Variants in WWP1 observed in about 807,000 individuals in gnomAD.
WWP1 encodes WW domain containing E3 ubiquitin protein ligase 1, also known as NEDD4-like E3 ubiquitin-protein ligase WWP1.
Under a neutral mutation model 130.6 loss-of-function variants are expected in WWP1, and 49 were observed. The ratio of observed to expected loss-of-function variants is 0.38; its 90% CI spans 0.30 to 0.48. The LOEUF (loss-of-function observed/expected upper bound fraction) is 0.48, where lower values mean the gene tolerates loss of function less well. WWP1 is among the 20% of genes least tolerant of loss of function. The pLI is 0.99. For synonymous variants in WWP1, 332 were observed against 367.8 expected (o/e 0.90, Z 1.11); for missense variants, 809 against 1,100.6 (o/e 0.74, Z 3.75).
chr8:86,444,001 C>G (rs938481899), intron 18 of WWP1, among the ~76,000 whole-genome samples: 4 of 152,142 alleles, frequency 2.6e-5, no homozygotes, highest in Non-Finnish European at 5.9e-5. Flanking sequence ...CATGATCTGA[C>G]TTAAATTTTA....
At chr8:86,352,148 G>A (rs998835958) in intron 1 of WWP1, among the ~76,000 whole-genome samples, 2 of 148,272 alleles carry the variant, frequency 1.3e-5, no homozygotes, top group Admixed American at 6.8e-5. Flanking sequence ...GGGCTCAAAC[G>A]ATCCTCCCAC....
At chr8:86,366,070 G>C (rs1380217365) in intron 1 of WWP1, among the ~76,000 whole-genome samples, 1 of 152,214 alleles carries the variant, frequency 6.6e-6, no homozygotes, top group African/African-American at 2.4e-5. Flanking sequence ...AAGTATTAAT[G>C]ACATTGCCAG....
chr8:86,422,908 A>G (rs1586417800), intron 9 of WWP1, among the ~76,000 whole-genome samples: 2 of 152,308 alleles, frequency 1.3e-5, no homozygotes, highest in East Asian at 3.9e-4. Context: ...ACACAGATGA[A>G]AGAATTTTCA....
intron 9 of WWP1, among the ~76,000 whole-genome samples, chr8:86,416,906 A>G (rs961246906): frequency 1.3e-5 from 2 of 151,620 alleles, no homozygotes; most frequent in Non-Finnish European, 2.9e-5. Context: ...AGCCCCCTTT[A>G]CCCCTGTACC....
chr8:86,361,114 T>A (rs1172428999), intron 1 of WWP1, among the ~76,000 whole-genome samples: 1 of 152,188 alleles, frequency 6.6e-6, no homozygotes, highest in East Asian at 1.9e-4. Context: ...TATCCTGCTT[T>A]AGAAGGATCA....
intron 24 of WWP1, among the ~76,000 whole-genome samples, chr8:86,463,858 C>T (rs910622962): frequency 2.0e-5 from 3 of 151,694 alleles, no homozygotes; most frequent in Non-Finnish European, 4.4e-5. Flanking sequence ...CTCAGGAGTT[C>T]GAGACCAGCC....
Position 86,398,325 on chromosome 8 carries a change from A to T in WWP1, c.335-17A>T, listed in dbSNP as rs748819110. ...TATGTGGCAAAAGCTTTTAAATTAG[A>T]ATATTCTTCTTTCTAGTGGAAAGAG... On this transcript the variant is annotated splice_polypyrimidine_tract_variant and intron_variant, in intron 5 of 24. Coordinates refer to ENST00000517970, the MANE Select transcript of WWP1 (RefSeq NM_007013.4). 6.4e-7 allele frequency: 1 copy of T among 1,564,626 alleles called. No individual in the cohort carries two copies. Among genetic ancestry groups the T allele is most frequent in the Admixed American group, 1.9e-5 (1 of 51,784 alleles).
At chr8:86,438,288 G>A (rs984192404) in intron 16 of WWP1, among the ~76,000 whole-genome samples, 1 of 152,200 alleles carries the variant, frequency 6.6e-6, no homozygotes, top group Non-Finnish European at 1.5e-5. Context: ...TGTCTCAGGG[G>A]TGGCAGAGGC....
At chr8:86,361,962 TA>T (rs1823627015) in intron 1 of WWP1, among the ~76,000 whole-genome samples, 1 of 127,464 alleles carries the variant, frequency 7.8e-6, no homozygotes, top group Non-Finnish European at 1.8e-5. Context: ...AAAATATGCC[TA>T]GTGTGTGTGT....
At position 86,342,813 on chromosome 8, in the gene WWP1, C is replaced by T; in HGVS notation, c.-232C>T. On this transcript the variant is annotated 5_prime_UTR_variant, in exon 1 of 25. Transcript: ENST00000517970. Reference sequence around the variant, plus strand: ...GGGGCCGACGCCTGGGTGGCTGCTGCCGCCGCGCCTGCTGCGAGATGGCGA... The same window carrying T: ...GGGGCCGACGCCTGGGTGGCTGCTGTCGCCGCGCCTGCTGCGAGATGGCGA... 1 of 368,774 alleles carries T rather than the reference C, an allele frequency of 2.7e-6. No homozygotes were observed. Among genetic ancestry groups the T allele is most frequent in the Non-Finnish European group, 4.8e-6 (1 of 206,702 alleles). The allele number at this position is 368,774 out of a possible 1,614,324, so 22.8% of individuals were successfully genotyped here. A position where few individuals can be genotyped will look rare whatever the true frequency, so the allele number is the denominator to read the frequency against.
Position 86,389,955 on chromosome 8 carries a change from G to A in WWP1, c.334+8326G>A, listed in dbSNP as rs190954609. On this transcript the variant is annotated intron_variant, in intron 5 of 24. Coordinates refer to ENST00000517970, the MANE Select transcript of WWP1 (RefSeq NM_007013.4). Reference sequence around the variant, plus strand: ...TTCCCGGACGGGGCGGCTGCCAGGCGGAGGGGCTCCTCACTTCTCAGACGG... The same window carrying A: ...TTCCCGGACGGGGCGGCTGCCAGGCAGAGGGGCTCCTCACTTCTCAGACGG... Among the ~76,000 whole-genome samples, 1,050 of 149,040 alleles carry A rather than the reference G, an allele frequency of 7.0e-3. 14 individuals carry two copies. The highest frequency in any genetic ancestry group is 0.067 in the East Asian group (325 of 4,866).
chr8:86,452,670 A>G lies in WWP1; in HGVS notation c.2385A>G (p.Lys795=), dbSNP rs1320844474. ...PLQWLQYFDE[K]ELEVMLCGMQ... is the part of the protein sequence containing the mutation. ...AGTGGCTACAGTACTTCGATGAAAA[A>G]GAATTAGAGGTTAGGCCCTTTTATT... Residue 795 remains lysine, a synonymous_variant, in exon 21 of 25, where the codon AAA becomes AAG. Transcript: ENST00000517970. The G allele has an allele frequency of 1.9e-6, 3 of 1,612,480 alleles. No homozygotes were observed. The highest frequency in any genetic ancestry group is 2.2e-5 in the South Asian group (2 of 90,882).
At chr8:86,451,014 C>T (rs1329473925) in intron 20 of WWP1, among the ~76,000 whole-genome samples, 1 of 151,170 alleles carries the variant, frequency 6.6e-6, no homozygotes, top group Non-Finnish European at 1.5e-5. Context: ...GAGTTCAAGA[C>T]CAGCCTGAGA....
intron 18 of WWP1, among the ~76,000 whole-genome samples, chr8:86,445,414 G>A (rs554874481): frequency 1.3e-5 from 2 of 152,172 alleles, no homozygotes; most frequent in South Asian, 2.1e-4. Context: ...GCCCAATGCT[G>A]AGCTCCCACC....
intron 9 of WWP1, among the ~76,000 whole-genome samples, chr8:86,423,966 TAAGTTAGCGCTTATGGGGCTGCCCCCCA>T (rs1809415992): frequency 1.5e-3 from 5 of 3,316 alleles, no homozygotes; most frequent in Non-Finnish European, 3.5e-3. Flanking sequence ...AGCGCTAACT[TAAGTTAGCGCTTATGGGGCTGCCCCCCA>T]CCTCCCTCCC....
intron 18 of WWP1, among the ~76,000 whole-genome samples, chr8:86,447,184 C>G (rs1271710546): frequency 2.0e-5 from 3 of 152,174 alleles, no homozygotes; most frequent in African/African-American, 7.2e-5. Flanking sequence ...TAGGTACAGG[C>G]ATTGAGTAAC....
intron 2 of WWP1, among the ~76,000 whole-genome samples, chr8:86,371,635 G>A (rs1158983940): frequency 2.6e-5 from 4 of 152,110 alleles, no homozygotes; most frequent in Non-Finnish European, 5.9e-5. Flanking sequence ...CTCCTTTTCT[G>A]TATAATTACA....
At position 86,466,862 on chromosome 8, in the gene WWP1, T is replaced by C; in HGVS notation, c.2738T>C (p.Ile913Thr). 1.2e-6 allele frequency: 2 copies of C among 1,605,892 alleles called. No homozygotes were observed. The highest frequency in any genetic ancestry group is 1.7e-6 in the Non-Finnish European group (2 of 1,177,820). ...CTAAAGGAAAAACTTCTTTTTGCAA[T>C]AGAAGAGACAGAGGGATTTGGACAA... is the stretch of plus-strand genomic sequence containing the variant. ...EQLKEKLLFAIEETEGFGQE is the reference protein window; with the variant it reads ...EQLKEKLLFATEETEGFGQE The change falls in exon 25 of 25, where the codon ATA (isoleucine) becomes ACA (threonine). Residue 913 changes from isoleucine to threonine, a missense_variant. This residue lies in a region of WWP1 where 450 missense variants were observed against 674.2 expected (regional missense o/e 0.67). Transcript: ENST00000517970.
At chr8:86,381,445 C>G in intron 4 of WWP1, 60 bp from the exon 5 acceptor site, 2 of 1,537,238 alleles carry the variant, frequency 1.3e-6, no homozygotes, top group Non-Finnish European at 1.7e-6. Flanking sequence ...GGAATTGTTA[C>G]TTATTAATAG....
Sources: gnomAD v4.1 joint callset for allele counts (sites outside exome capture counted in the v4.1 genomes callset) on GRCh38, gnomAD v4.1.1 for gene constraint, gnomAD v4.1.1 regional missense constraint, MANE v1.5 for transcripts, NCBI Gene and HGNC (gene_info 2026-07-23, HGNC 2026-07-21) for gene names.